TRIM37: variants seen among roughly 807,000 people sequenced by gnomAD.
The protein encoded by TRIM37 is tripartite motif containing 37.
Under a neutral mutation model 129.8 loss-of-function variants are expected in TRIM37, and 80 were observed. The ratio of observed to expected loss-of-function variants is 0.62; its 90% CI spans 0.51 to 0.74. The LOEUF (loss-of-function observed/expected upper bound fraction) is 0.74. TRIM37 is among the 30% of genes least tolerant of loss of function. The pLI is 0.00. For missense variants in TRIM37, 1,054 were observed against 1,176.5 expected (o/e 0.90, Z 1.52); for synonymous variants, 389 against 387.1 (o/e 1.00, Z -0.06).
chr17:59,000,562 C>CT (rs1433931896), intron 23 of TRIM37, among the ~76,000 whole-genome samples: 1 of 151,832 alleles, frequency 6.6e-6, no homozygotes, highest in East Asian at 1.9e-4. Flanking sequence ...GATTGTGCCA[C>CT]TGCACTTCAG....
At chr17:59,087,724 T>C (rs1002269578) in intron 4 of TRIM37, among the ~76,000 whole-genome samples, 2 of 151,884 alleles carry the variant, frequency 1.3e-5, no homozygotes, top group African/African-American at 4.9e-5. Flanking sequence ...AGGCTTTATT[T>C]CTAAACATTC....
At chr17:59,018,467 T>A (rs1206299320) in intron 19 of TRIM37, among the ~76,000 whole-genome samples, 1 of 152,186 alleles carries the variant, frequency 6.6e-6, no homozygotes, top group African/African-American at 2.4e-5. Context: ...TAGCAGACAA[T>A]GTGAGAATGA....
chr17:59,004,972 A>G (rs1178845800), intron 22 of TRIM37, among the ~76,000 whole-genome samples: 1 of 152,264 alleles, frequency 6.6e-6, no homozygotes, highest in African/African-American at 2.4e-5. Context: ...TGAAGAGTTT[A>G]CAACAATTTT....
intron 16 of TRIM37, among the ~76,000 whole-genome samples, chr17:59,042,580 T>A (rs1331473873): frequency 6.7e-6 from 1 of 149,890 alleles, no homozygotes; most frequent in Non-Finnish European, 1.5e-5. Flanking sequence ...CTGGCCAACA[T>A]GGCAAAACCC....
intron 3 of TRIM37, 108 bp from the exon 4 acceptor site, chr17:59,088,515 C>T (rs2043980140): frequency 2.6e-6 from 2 of 758,948 alleles, no homozygotes; most frequent in Non-Finnish European, 4.6e-6. Flanking sequence ...TACCATAACA[C>T]TATTTTTTTT....
chr17:59,071,650 C>T (rs976040891), intron 8 of TRIM37, among the ~76,000 whole-genome samples: 1 of 152,108 alleles, frequency 6.6e-6, no homozygotes, highest in Non-Finnish European at 1.5e-5. Flanking sequence ...AAAACGTACA[C>T]ACATACACCC....
chr17:59,010,506 T>C (rs901704853), intron 22 of TRIM37, among the ~76,000 whole-genome samples: 1 of 152,192 alleles, frequency 6.6e-6, no homozygotes, highest in Non-Finnish European at 1.5e-5. Context: ...GTTATTACTG[T>C]CATTTGAGAT....
chr17:58,976,984 TTTTA>T, the TRIM37 span, among the ~76,000 whole-genome samples: 7 of 152,290 alleles, frequency 4.6e-5, no homozygotes, highest in East Asian at 1.9e-4. Context: ...CCATATTGGA[TTTTA>T]TTTATTATTT....
Position 59,106,451 on chromosome 17 carries a change from T to C in TRIM37, c.11A>G (p.Gln4Arg), listed in dbSNP as rs1204798514. 1.2e-6 allele frequency: 2 copies of C among 1,614,088 alleles called. No homozygotes were observed. The highest frequency in any genetic ancestry group is 4.5e-5 in the East Asian group (2 of 44,874). The change falls in exon 1 of 24, where the codon CAG becomes CGG. Residue 4 changes from glutamine (Q) to arginine (R), a missense_variant. By Grantham distance (43) the Gln-to-Arg change is conservative. Around this residue, in one of 3 missense-constraint regions of TRIM37, gnomAD observed 752 missense variants for 870.8 expected, o/e 0.86. Coordinates refer to ENST00000262294, the MANE Select transcript of TRIM37 (RefSeq NM_015294.6). ...TCACAACCCCCTCACCTCCACGCTC[T>C]GTTCATCCATTGCCTCCGGCTCTCG... MDE[Q>R]SVESIAEVFR...
chr17:59,017,005 A>T (rs1567983415), intron 20 of TRIM37, among the ~76,000 whole-genome samples: 1 of 151,776 alleles, frequency 6.6e-6, no homozygotes, highest in Non-Finnish European at 1.5e-5. Context: ...TCTCTACAAA[A>T]AATACAAAAA....
intron 24 of TRIM37, chr17:58,983,960 T>TTTG (rs2031558783): frequency 6.5e-6 from 1 of 152,686 alleles, no homozygotes; most frequent in Non-Finnish European, 1.5e-5. Flanking sequence ...ACAGGTTTCC[T>TTTG]TTGTTCACTT....
chr17:59,003,477 T>C (rs1339349787), intron 22 of TRIM37, among the ~76,000 whole-genome samples: 1 of 152,086 alleles, frequency 6.6e-6, no homozygotes, highest in African/African-American at 2.4e-5. Context: ...TTCCACTCTA[T>C]CTTTTCCACT....
chr17:58,978,477 G>A (rs1299177260), downstream of TRIM37, among the ~76,000 whole-genome samples: 2 of 152,106 alleles, frequency 1.3e-5, no homozygotes, highest in Admixed American at 6.5e-5. Flanking sequence ...TTGGGAGGCC[G>A]ACACAGGCAG....
chr17:59,063,781 T>A (rs1326038761), intron 10 of TRIM37, among the ~76,000 whole-genome samples: 3 of 152,290 alleles, frequency 2.0e-5, no homozygotes. Flanking sequence ...TGAGGATAGG[T>A]AAGAGGGGGC....
At chr17:59,082,329 G>C (rs2147089813) in intron 5 of TRIM37, among the ~76,000 whole-genome samples, 1 of 152,184 alleles carries the variant, frequency 6.6e-6, no homozygotes, top group Non-Finnish European at 1.5e-5. Flanking sequence ...CTCCCATCTT[G>C]GTTTGTCTTA....
At chr17:59,062,734 T>C in intron 10 of TRIM37, 86 bp from the exon 11 acceptor site, 1 of 1,052,902 alleles carries the variant, frequency 9.5e-7, no homozygotes, top group Non-Finnish European at 1.5e-6. Context: ...ACCAGTTTCT[T>C]TGTTACATAC....
chr17:59,034,073 C>T (rs915875157), intron 17 of TRIM37, among the ~76,000 whole-genome samples: 17 of 151,266 alleles, frequency 1.1e-4, no homozygotes, highest in African/African-American at 3.9e-4. Flanking sequence ...CACCACTGCA[C>T]TCTAGTCTGG....
intron 11 of TRIM37, among the ~76,000 whole-genome samples, chr17:59,062,232 C>G (rs557949865): frequency 1.3e-5 from 2 of 152,116 alleles, no homozygotes; most frequent in South Asian, 4.2e-4. Flanking sequence ...AATGGAATTG[C>G]ATATTGAAGA....
intron 22 of TRIM37, among the ~76,000 whole-genome samples, chr17:59,010,510 T>C (rs1192631468): frequency 6.6e-6 from 1 of 152,188 alleles, no homozygotes; most frequent in Non-Finnish European, 1.5e-5. Context: ...TTACTGTCAT[T>C]TGAGATAGAG....
Sources: gnomAD v4.1 joint callset for allele counts (sites outside exome capture counted in the v4.1 genomes callset) on GRCh38, gnomAD v4.1.1 for gene constraint, gnomAD v4.1.1 regional missense constraint, MANE v1.5 for transcripts, NCBI Gene and HGNC (gene_info 2026-07-23, HGNC 2026-07-21) for gene names.